The following JAKMIP2 variants were observed in gnomAD, a reference collection of about 807,000 sequenced individuals.
JAKMIP2 encodes janus kinase and microtubule-interacting protein 2.
A neutral mutation model predicts 115.0 loss-of-function variants in JAKMIP2; 25 were observed. That is an observed-to-expected ratio of 0.22 (90% CI 0.16 to 0.30). The LOEUF (loss-of-function observed/expected upper bound fraction) is 0.30. JAKMIP2 is among the 10% of genes least tolerant of loss of function. JAKMIP2 has a pLI of 1.00. For missense variants in JAKMIP2, 642 were observed against 957.6 expected (o/e 0.67, Z 4.35); for synonymous variants, 334 against 343.6 (o/e 0.97, Z 0.31).
chr5:147,591,975 G>A (rs1755119565), intron 21 of JAKMIP2, among the ~76,000 whole-genome samples: 1 of 152,070 alleles, frequency 6.6e-6, no homozygotes, highest in Non-Finnish European at 1.5e-5. Flanking sequence ...TTTCCTCTGA[G>A]GCCTTCCAAG....
chr5:147,764,623 C>T (rs1288677265), intron 1 of JAKMIP2, among the ~76,000 whole-genome samples: 1 of 151,794 alleles, frequency 6.6e-6, no homozygotes, highest in Non-Finnish European at 1.5e-5. Flanking sequence ...CAGTGGCTCA[C>T]GACCCTGTAA....
At chr5:147,782,248 A>ATT (rs565755106) in intron 1 of JAKMIP2, among the ~76,000 whole-genome samples, 1 of 144,828 alleles carries the variant, frequency 6.9e-6, no homozygotes, top group African/African-American at 2.5e-5. Flanking sequence ...TCAGAACACC[A>ATT]TTTTTTTTTT....
At chr5:147,601,531 T>C (rs577362389) in intron 21 of JAKMIP2, among the ~76,000 whole-genome samples, 12 of 152,168 alleles carry the variant, frequency 7.9e-5, no homozygotes, top group African/African-American at 2.9e-4. Context: ...GCCTGGGAGA[T>C]TGAGGCTGCC....
chr5:147,631,642 C>G (rs2126686368), intron 13 of JAKMIP2, 131 bp from the exon 14 acceptor site: 1 of 557,756 alleles, frequency 1.8e-6, no homozygotes, highest in Non-Finnish European at 3.1e-6. Flanking sequence ...AATTCAATCT[C>G]AAGATGTTCA....
intron 1 of JAKMIP2, among the ~76,000 whole-genome samples, chr5:147,724,435 T>C (rs1479851790): frequency 1.3e-5 from 2 of 152,200 alleles, no homozygotes; most frequent in Non-Finnish European, 2.9e-5. Context: ...TTCAATAACA[T>C]AATAACAATA....
intron 2 of JAKMIP2, chr5:147,661,657 G>A: frequency 1.8e-6 from 1 of 543,462 alleles, no homozygotes; most frequent in Non-Finnish European, 3.2e-6. Context: ...ATATTACTTT[G>A]TTCAGATGAA....
intron 1 of JAKMIP2, among the ~76,000 whole-genome samples, chr5:147,694,912 A>G (rs554803440): frequency 9.9e-5 from 15 of 152,212 alleles, no homozygotes; most frequent in Non-Finnish European, 1.6e-4. Context: ...AGCTTATCAA[A>G]TTGTGACAAA....
intron 1 of JAKMIP2, among the ~76,000 whole-genome samples, chr5:147,708,507 A>G (rs1752663969): frequency 6.6e-6 from 1 of 152,342 alleles, no homozygotes; most frequent in Non-Finnish European, 1.5e-5. Flanking sequence ...TATAATTACC[A>G]ACACTTACAT....
chr5:147,620,638 G>T, intron 18 of JAKMIP2, 28 bp downstream of exon 18: 9 of 1,487,872 alleles, frequency 6.0e-6, no homozygotes, highest in Non-Finnish European at 8.4e-6. Context: ...TAAATACTGC[G>T]GGTGTCTCTA....
chr5:147,776,371 T>G (rs906926692), intron 1 of JAKMIP2, among the ~76,000 whole-genome samples: 15 of 152,256 alleles, frequency 9.9e-5, no homozygotes, highest in African/African-American at 3.6e-4. Flanking sequence ...GGCTTCCCCC[T>G]TCACTCAGCT....
chr5:147,615,009 C>T (rs542351875), intron 19 of JAKMIP2, among the ~76,000 whole-genome samples: 1 of 152,332 alleles, frequency 6.6e-6, no homozygotes, highest in Non-Finnish European at 1.5e-5. Flanking sequence ...AACTCACATA[C>T]ACATTGTATA....
At chr5:147,646,542 A>G (rs898301862) in intron 5 of JAKMIP2, among the ~76,000 whole-genome samples, 1 of 152,088 alleles carries the variant, frequency 6.6e-6, no homozygotes, top group African/African-American at 2.4e-5. Context: ...GTCCCACAAT[A>G]CCCAACAAAA....
intron 1 of JAKMIP2, among the ~76,000 whole-genome samples, chr5:147,759,777 G>T (rs1754868873): frequency 6.6e-6 from 1 of 152,104 alleles, no homozygotes; most frequent in African/African-American, 2.4e-5. Context: ...AGAGGAGTCT[G>T]CAAAGTCAAT....
At chr5:147,678,260 C>A (rs2126824837) in intron 1 of JAKMIP2, among the ~76,000 whole-genome samples, 1 of 152,294 alleles carries the variant, frequency 6.6e-6, no homozygotes, top group African/African-American at 2.4e-5. Flanking sequence ...CCTCAGCCTC[C>A]CAAAGTGCTG....
chr5:147,673,074 G>C (rs1488737383), intron 1 of JAKMIP2, among the ~76,000 whole-genome samples: 2 of 152,108 alleles, frequency 1.3e-5, no homozygotes, highest in Non-Finnish European at 2.9e-5. Context: ...AGAATGGAGA[G>C]AGAATGAATG....
intron 1 of JAKMIP2, among the ~76,000 whole-genome samples, chr5:147,711,195 A>T (rs1483792036): frequency 6.6e-6 from 1 of 152,216 alleles, no homozygotes; most frequent in Admixed American, 6.5e-5. Context: ...TGTCTAGTAT[A>T]AGGGGAAACA....
chr5:147,706,923 G>A lies in JAKMIP2; in HGVS notation c.-148-34969C>T, dbSNP rs1423788967. ...AGGGAAGCTTAATGATTTGCCCAGA[G>A]AATGACAGTCAGTAAAGAATTGAAA... On this transcript the variant is annotated intron_variant, in intron 1 of 21. Transcript: ENST00000616793. Among the ~76,000 whole-genome samples, 6 of 152,280 alleles carry A rather than the reference G, an allele frequency of 3.9e-5. No individual in the cohort carries two copies. The East Asian group carries it at 1.2e-3, about 29-fold the overall frequency.
At chr5:147,636,468 T>C (rs971895669) in intron 11 of JAKMIP2, 184 bp from the exon 12 acceptor site, 7 of 601,822 alleles carry the variant, frequency 1.2e-5, no homozygotes, top group Non-Finnish European at 2.1e-5. Context: ...GCCGGGAAAA[T>C]TTAACCCCCT....
intron 4 of JAKMIP2, among the ~76,000 whole-genome samples, chr5:147,648,822 G>C (rs1016558462): frequency 6.6e-6 from 1 of 152,100 alleles, no homozygotes; most frequent in Non-Finnish European, 1.5e-5. Flanking sequence ...AGGTTCAAAG[G>C]GCATCCCTTG....
Sources: gnomAD v4.1 joint callset for allele counts (sites outside exome capture counted in the v4.1 genomes callset) on GRCh38, gnomAD v4.1.1 for gene constraint, MANE v1.5 for transcripts, NCBI Gene and HGNC (gene_info 2026-07-23, HGNC 2026-07-21) for gene names.